WDR59: variants seen among roughly 807,000 people sequenced by gnomAD.
WDR59 encodes the protein WD repeat domain 59, also known as GATOR2 complex protein WDR59.
A neutral mutation model predicts 131.2 loss-of-function variants in WDR59; 100 were observed. The ratio of observed to expected loss-of-function variants is 0.76; its 90% CI spans 0.65 to 0.90. The LOEUF (loss-of-function observed/expected upper bound fraction) is 0.90, where lower values mean the gene tolerates loss of function less well. Among genes scored for constraint, WDR59 ranks in the 40% least tolerant of loss-of-function variants. The probability of loss-of-function intolerance (pLI) is 0.00; values close to 1 mark genes in which losing one functional copy is unlikely to be tolerated. For synonymous variants in WDR59, 601 were observed against 466.2 expected (o/e 1.29, Z -3.72); for missense variants, 1,203 against 1,262.2 (o/e 0.95, Z 0.71).
At chr16:74,974,013 T>C (rs1162196971) in intron 1 of WDR59, among the ~76,000 whole-genome samples, 1 of 151,988 alleles carries the variant, frequency 6.6e-6, no homozygotes, top group Non-Finnish European at 1.5e-5. Flanking sequence ...CTACTAAAAA[T>C]ACAAAAATTA....
intron 1 of WDR59, among the ~76,000 whole-genome samples, chr16:74,970,886 T>C (rs1236087456): frequency 1.3e-5 from 2 of 149,228 alleles, no homozygotes; most frequent in African/African-American, 5.0e-5. Flanking sequence ...AACCACACCT[T>C]TTAAAAAAAA....
chr16:74,985,074 A>T lies in WDR59; in HGVS notation c.-57T>A. 1 of 1,446,144 alleles carries T rather than the reference A, an allele frequency of 6.9e-7. No homozygotes were observed. Among genetic ancestry groups the T allele is most frequent in the Non-Finnish European group, 9.3e-7 (1 of 1,070,476 alleles). 89.6% of individuals were successfully genotyped at this position (1,446,144 alleles called of 1,614,324 possible). A position where few individuals can be genotyped will look rare whatever the true frequency, so the allele number is the denominator to read the frequency against. On this transcript the variant is annotated 5_prime_UTR_variant, in exon 1 of 26. Transcript: ENST00000262144. The stretch of plus-strand genomic sequence containing the variant: ...GGCGCCCTCCCACCCCGCCGTCCCC[A>T]GTATCCCGGGACCGTGCGCCCCACA...
intron 1 of WDR59, among the ~76,000 whole-genome samples, chr16:74,972,164 C>T (rs2034008021): frequency 6.6e-6 from 1 of 152,172 alleles, no homozygotes; most frequent in South Asian, 2.1e-4. Context: ...AGGATGGTGA[C>T]TTTTGGCACA....
rs1965998396 is a variant in WDR59 at position 74,909,853 on chromosome 16, C to T, written c.1454G>A (p.Arg485His). Reference protein sequence around the residue: ...RGQSCLEPCLRQLVSCLESFV... With the variant: ...RGQSCLEPCLHQLVSCLESFV... ...GGACTCAAGGCAGGAGACGAGCTGGCGCAGGCAGGGCTCCAGGCAGCTCTG... is the reference window on the plus strand; with the variant it reads ...GGACTCAAGGCAGGAGACGAGCTGGTGCAGGCAGGGCTCCAGGCAGCTCTG... The change falls in exon 15 of 26, where the codon CGC becomes CAC. Residue 485 changes from arginine to histidine, a missense_variant. Arg to His is a conservative substitution (Grantham distance 29, BLOSUM62 0). Transcript: ENST00000262144. 1 of 1,612,710 alleles carries T rather than the reference C, an allele frequency of 6.2e-7. No individual in the cohort carries two copies. The highest frequency in any genetic ancestry group is 8.5e-7 in the Non-Finnish European group (1 of 1,179,984).
In WDR59 at chr16:74,884,173, G is replaced by A. The variant is rs372714801; in HGVS notation, c.2689+1480C>T. On this transcript the variant is annotated intron_variant, in intron 25 of 25. Coordinates refer to ENST00000262144, the MANE Select transcript of WDR59 (RefSeq NM_030581.4). The stretch of plus-strand genomic sequence containing the variant: ...ACTCTAGCGATGCCACCCTCAGACC[G>A]GGCTGTCTGCCTCTGACCGCTACAA... Among the ~76,000 whole-genome samples, 5 of 152,190 alleles carry A rather than the reference G, an allele frequency of 3.3e-5. No individual in the cohort carries two copies. The East Asian group carries it at 5.8e-4, about 18-fold the overall frequency.
intron 1 of WDR59, among the ~76,000 whole-genome samples, chr16:74,968,477 T>G (rs1457613010): frequency 1.3e-5 from 2 of 152,112 alleles, no homozygotes; most frequent in Non-Finnish European, 1.5e-5. Flanking sequence ...TCCCAGCACT[T>G]TGGGAGGCCG....
At chr16:74,882,171 AG>A (rs1322778511) in intron 25 of WDR59, among the ~76,000 whole-genome samples, 2 of 152,232 alleles carry the variant, frequency 1.3e-5, no homozygotes, top group Non-Finnish European at 2.9e-5. Flanking sequence ...ATAAGGGTTT[AG>A]CTGACTGATG....
intron 10 of WDR59, 80 bp downstream of exon 10, chr16:74,921,867 T>C (rs1450796856): frequency 1.3e-6 from 2 of 1,509,362 alleles, no homozygotes; most frequent in Admixed American, 2.1e-5. Flanking sequence ...TCTTCTTTAC[T>C]GGACTCCATG....
chr16:74,874,876 C>T (rs1964132602), intron 25 of WDR59, among the ~76,000 whole-genome samples: 2 of 152,192 alleles, frequency 1.3e-5, no homozygotes, highest in South Asian at 4.1e-4. Context: ...TAGGCGTGAG[C>T]CACTGTGCCC....
chr16:74,906,626 T>C (rs368215864), intron 17 of WDR59, among the ~76,000 whole-genome samples: 1 of 152,188 alleles, frequency 6.6e-6, no homozygotes. Flanking sequence ...CAACTATCTA[T>C]CCACAGGACA....
intron 25 of WDR59, among the ~76,000 whole-genome samples, chr16:74,875,106 G>A (rs1000972694): frequency 6.6e-6 from 1 of 152,196 alleles, no homozygotes; most frequent in Non-Finnish European, 1.5e-5. Context: ...GAATGACTCA[G>A]CAGTAACACT....
At chr16:74,976,439 T>TC (rs2034184316) in intron 1 of WDR59, among the ~76,000 whole-genome samples, 1 of 151,470 alleles carries the variant, frequency 6.6e-6, no homozygotes, top group Admixed American at 6.6e-5. Flanking sequence ...CTTTTTCTTT[T>TC]CTTTTTTTTT....
chr16:74,935,469 T>G (rs1801321700), intron 8 of WDR59, among the ~76,000 whole-genome samples: 1 of 152,164 alleles, frequency 6.6e-6, no homozygotes, highest in Non-Finnish European at 1.5e-5. Flanking sequence ...TGTTTTGTAG[T>G]TAAATAATTT....
At chr16:74,960,148 G>A (rs149543290) in intron 2 of WDR59, among the ~76,000 whole-genome samples, 2,135 of 151,604 alleles carry the variant, frequency 0.014, 49 homozygotes, top group African/African-American at 0.04. Flanking sequence ...TGGGCAAAAC[G>A]GTGAAACCCC....
At chr16:74,974,385 A>G (rs1282971077) in intron 1 of WDR59, among the ~76,000 whole-genome samples, 1 of 152,134 alleles carries the variant, frequency 6.6e-6, no homozygotes, top group Admixed American at 6.6e-5. Context: ...TTCTAATTTA[A>G]TAATAATGGT....
At chr16:74,890,817 C>T (rs1285241727) in intron 20 of WDR59, among the ~76,000 whole-genome samples, 1 of 152,090 alleles carries the variant, frequency 6.6e-6, no homozygotes, top group Admixed American at 6.6e-5. Flanking sequence ...CCCCTCAATA[C>T]CTTTAAAAAT....
rs144154687 is a variant in WDR59, at chr16:74,967,783, C to T, written c.55-1961G>A. On this transcript the variant is annotated intron_variant, in intron 1 of 25. Coordinates refer to ENST00000262144, the MANE Select transcript of WDR59 (RefSeq NM_030581.4). ...CTGAGGCAGGAGAATCACTTGACCC[C>T]GGGAAGCAGAGGTTGCAGTGAGCCG... Among the ~76,000 whole-genome samples the T allele has an allele frequency of 4.0e-3, 602 of 150,860 alleles. 2 individuals are homozygous for T. The highest frequency in any genetic ancestry group is 0.014 in the African/African-American group (555 of 41,086).
chr16:74,980,326 G>A (rs1323031449), intron 1 of WDR59, among the ~76,000 whole-genome samples: 1 of 150,538 alleles, frequency 6.6e-6, no homozygotes, highest in Non-Finnish European at 1.5e-5. Flanking sequence ...TCACACTTCA[G>A]ACTGGGGTTT....
chr16:74,905,900 T>G (rs996442341), intron 17 of WDR59, among the ~76,000 whole-genome samples: 10 of 151,954 alleles, frequency 6.6e-5, no homozygotes, highest in Middle Eastern at 6.8e-3. Flanking sequence ...TAAGATACAG[T>G]TCCCCCAAAA....
Sources: allele counts gnomAD v4.1 joint callset (sites outside exome capture counted in the v4.1 genomes callset), GRCh38; gene constraint gnomAD v4.1.1; transcripts MANE v1.5; gene names NCBI Gene and HGNC (gene_info 2026-07-23, HGNC 2026-07-21).